Variants in MKNK1 observed in about 807,000 individuals in gnomAD.
MKNK1 encodes MAPK interacting serine/threonine kinase 1, also known as MAP kinase-interacting serine/threonine-protein kinase 1.
A neutral mutation model predicts 49.3 loss-of-function variants in MKNK1; 30 were observed. The observed-to-expected ratio is 0.61, with a 90% CI of 0.46 to 0.83. MKNK1 has a LOEUF of 0.83. Ranked by LOEUF, MKNK1 falls within the 40% of genes least tolerant of loss-of-function variation. The probability of loss-of-function intolerance (pLI) is 0.00; values close to 1 mark genes in which losing one functional copy is unlikely to be tolerated. For synonymous variants in MKNK1, 176 were observed against 201.7 expected (o/e 0.87, Z 1.08); for missense variants, 423 against 524.7 (o/e 0.81, Z 1.89).
intron 3 of MKNK1, among the ~76,000 whole-genome samples, chr1:46,582,591 G>A (rs901525516): frequency 7.0e-4 from 106 of 152,340 alleles, no homozygotes; most frequent in African/African-American, 2.5e-3. Flanking sequence ...CCTAGGAGTA[G>A]CTACTGATCC....
At chr1:46,576,496 A>C in intron 5 of MKNK1, 79 bp downstream of exon 5, 1 of 1,188,354 alleles carries the variant, frequency 8.4e-7, no homozygotes, top group Non-Finnish European at 1.3e-6. Context: ...TGCTGGAGTC[A>C]GGAGATGGTA....
rs374202253 is a variant in MKNK1 at position 46,561,511 on chromosome 1, G to A, written c.936C>T (p.Ala312=). 2.4e-5 allele frequency: 39 copies of A among 1,613,722 alleles called. No homozygotes were observed. The highest frequency in any genetic ancestry group is 4.5e-5 in the East Asian group (2 of 44,880). ...LVRDAKQRLS[A]AQVLQHPWVQ... is the part of the protein sequence containing the mutation. ...CCCATGGGTGCTGCAGAACTTGGGC[G>A]GCGCTAAGTCTCTGCTTTGCATCTC... Residue 312 remains alanine (A), a synonymous_variant, in exon 11 of 13, where the codon GCC becomes GCT. Coordinates refer to ENST00000371945, the MANE Select transcript of MKNK1 (RefSeq NM_001135553.4).
rs1363476880 is a variant in MKNK1 at position 46,589,263 on chromosome 1, G to A, written c.-3+4850C>T. ...AGGAGAGAGGAAGCTAACCCAGTTG[G>A]GTAACTAGAGGAAGACACAGCTAAG... On this transcript the variant is annotated intron_variant, in intron 2 of 12. Transcript: ENST00000371945. The surrounding 1 kb of genome is among the most constrained non-coding windows in gnomAD (Gnocchi z 4.3). Among the ~76,000 whole-genome samples the A allele has an allele frequency of 1.3e-5, 2 of 152,178 alleles. No homozygotes were observed. Among genetic ancestry groups the A allele is most frequent in the Non-Finnish European group, 1.5e-5 (1 of 68,040 alleles).
intron 2 of MKNK1, among the ~76,000 whole-genome samples, chr1:46,583,922 C>T (rs75241491): frequency 2.0e-4 from 30 of 152,354 alleles, no homozygotes; most frequent in African/African-American, 6.7e-4. Flanking sequence ...ATGGAGCCTA[C>T]GGCATCCTCT....
At chr1:46,568,934 A>G (rs1366830778) in intron 7 of MKNK1, 1 of 159,782 alleles carries the variant, frequency 6.3e-6, no homozygotes, top group African/African-American at 2.4e-5. Context: ...GATTTAAAAA[A>G]AAAAATTCCT....
chr1:46,580,482 G>A, intron 4 of MKNK1, 48 bp downstream of exon 4: 1 of 1,259,624 alleles, frequency 7.9e-7, no homozygotes, highest in Non-Finnish European at 1.2e-6. Flanking sequence ...GATGAGCTAG[G>A]AATGACTATT....
chr1:46,591,323 T>C (rs1673303334), intron 2 of MKNK1, among the ~76,000 whole-genome samples: 1 of 152,140 alleles, frequency 6.6e-6, no homozygotes, highest in Non-Finnish European at 1.5e-5. Context: ...GCAATGAAAC[T>C]GGCAGGTGAG....
At chr1:46,583,415 G>A (rs1347526380) in intron 2 of MKNK1, 86 bp from the exon 3 acceptor site, 52 of 1,010,828 alleles carry the variant, frequency 5.1e-5, no homozygotes, top group Non-Finnish European at 7.5e-6. Context: ...AAAGGTAGTG[G>A]GGGAGGACCC....
At chr1:46,590,871 T>C (rs1295038374) in intron 2 of MKNK1, among the ~76,000 whole-genome samples, 4 of 152,266 alleles carry the variant, frequency 2.6e-5, no homozygotes, top group Non-Finnish European at 4.4e-5. Context: ...TCTGGAAATA[T>C]GAAGGCATTA....
chr1:46,558,569 A>G lies in MKNK1; in HGVS notation c.*6T>C, dbSNP rs1264065678. ...CCTAGGGCCTATAAGGTGTGACTGG[A>G]GCATTTCAGAGTGCTGTGGGCGGGC... On this transcript the variant is annotated 3_prime_UTR_variant, in exon 13 of 13. Coordinates refer to ENST00000371945, the MANE Select transcript of MKNK1 (RefSeq NM_001135553.4). 3 of 1,599,222 alleles carry G rather than the reference A, an allele frequency of 1.9e-6. No homozygotes were observed. The highest frequency in any genetic ancestry group is 2.6e-6 in the Non-Finnish European group (3 of 1,172,926).
chr1:46,601,004 C>A lies in MKNK1; in HGVS notation c.-171+3181G>T, dbSNP rs1290283942. 2.0e-5 allele frequency among the ~76,000 whole-genome samples: 3 copies of A among 152,164 alleles called. No homozygotes were observed. The East Asian group carries it at 5.8e-4, about 29-fold the overall frequency. On this transcript the variant is annotated intron_variant, in intron 1 of 12. Coordinates refer to ENST00000371945, the MANE Select transcript of MKNK1 (RefSeq NM_001135553.4). ...CAATTTCAGCTCACTGCAACCTCTG[C>A]CTTCTGGGTTCAAGCGATTCTCCTG...
chr1:46,585,266 A>G (rs1672376635), intron 2 of MKNK1, among the ~76,000 whole-genome samples: 1 of 49,894 alleles, frequency 2.0e-5, no homozygotes, highest in Non-Finnish European at 3.5e-5. Context: ...AAAAAAAAAA[A>G]AAAAAAAAAA....
At chr1:46,591,521 G>A (rs1557887779) in intron 2 of MKNK1, among the ~76,000 whole-genome samples, 1 of 152,144 alleles carries the variant, frequency 6.6e-6, no homozygotes, top group Admixed American at 6.5e-5. Context: ...GGACATGGAA[G>A]GGGAGAATGA....
chr1:46,582,972 T>G (rs761462388), intron 3 of MKNK1: 1 of 638,158 alleles, frequency 1.6e-6, no homozygotes, highest in African/African-American at 1.8e-5. Context: ...TGGGTCTTCC[T>G]GCTCCCTGAA....
At chr1:46,583,147 G>T in intron 3 of MKNK1, 81 bp downstream of exon 3, 1 of 1,080,660 alleles carries the variant, frequency 9.3e-7, no homozygotes, top group Non-Finnish European at 1.4e-6. Context: ...CGCATTCTGT[G>T]ATCGGACCTG....
rs113906272 is a variant in MKNK1, at chr1:46,581,024, C to A, written c.101-397G>T. Among the ~76,000 whole-genome samples, 29 of 151,828 alleles carry A rather than the reference C, an allele frequency of 1.9e-4. 1 individual carries two copies. The highest frequency in any genetic ancestry group is 6.3e-4 in the African/African-American group (26 of 41,364). ...ATTGCTTGAGGCCAGGAGTTCAGAA[C>A]CAATCTGGCCAACATAGCAAGACCC... On this transcript the variant is annotated intron_variant, in intron 3 of 12. Coordinates refer to ENST00000371945, the MANE Select transcript of MKNK1 (RefSeq NM_001135553.4).
At chr1:46,572,248 C>G (rs1245658653) in intron 6 of MKNK1, 81 bp from the exon 7 acceptor site, 1 of 1,201,408 alleles carries the variant, frequency 8.3e-7, no homozygotes, top group African/African-American at 1.5e-5. Flanking sequence ...AAGTCTCACT[C>G]TGTTACCCAG....
rs749307651 is a variant in MKNK1 at position 46,562,846 on chromosome 1, G to T, written c.610-3C>A. ...GCCATGTATTCTGCAGAGCCACACT[G>T]TGGGGGCCAGGGTTGGGGGAGGGGG... On this transcript the variant is annotated splice_polypyrimidine_tract_variant and splice_region_variant and intron_variant, in intron 9 of 12. Coordinates refer to ENST00000371945, the MANE Select transcript of MKNK1 (RefSeq NM_001135553.4). The T allele has an allele frequency of 6.2e-7, 1 of 1,604,234 alleles. No homozygotes were observed. The highest frequency in any genetic ancestry group is 8.5e-7 in the Non-Finnish European group (1 of 1,175,326).
chr1:46,600,428 C>G (rs578114877), intron 1 of MKNK1, among the ~76,000 whole-genome samples: 2 of 152,348 alleles, frequency 1.3e-5, no homozygotes, highest in East Asian at 3.9e-4. Context: ...TGAGTTCATT[C>G]TAAAACTGCA....
Sources: gnomAD v4.1 joint callset for allele counts (sites outside exome capture counted in the v4.1 genomes callset) on GRCh38, gnomAD v4.1.1 for gene constraint, Gnocchi (gnomAD v3.1) non-coding constraint, MANE v1.5 for transcripts, NCBI Gene and HGNC (gene_info 2026-07-23, HGNC 2026-07-21) for gene names.